Variants in SLC36A1 observed in about 807,000 individuals in gnomAD.
SLC36A1 encodes proton-coupled amino acid transporter 1.
Under a neutral mutation model 47.5 loss-of-function variants are expected in SLC36A1, and 30 were observed. That is an observed-to-expected ratio of 0.63 (90% CI 0.47 to 0.86). The LOEUF (loss-of-function observed/expected upper bound fraction) is 0.86. Among genes scored for constraint, SLC36A1 ranks in the 40% least tolerant of loss-of-function variants. The pLI, the probability that SLC36A1 is intolerant of heterozygous loss-of-function variation, is 0.00. For synonymous variants in SLC36A1, 255 were observed against 249.7 expected (o/e 1.02, Z -0.20); for missense variants, 517 against 606.0 (o/e 0.85, Z 1.54).
At chr5:151,537,935 A>C in the SLC36A1 span, 1 of 1,613,954 alleles carries the variant, frequency 6.2e-7, no homozygotes, top group Non-Finnish European at 8.5e-7. Context: ...GAACCTTGCC[A>C]GTATAGAGAA....
the SLC36A1 span, among the ~76,000 whole-genome samples, chr5:151,360,210 A>G: frequency 6.6e-6 from 1 of 152,148 alleles, no homozygotes; most frequent in Admixed American, 6.5e-5. Flanking sequence ...AGAGTTGAAA[A>G]TCCATGTATA....
the SLC36A1 span, chr5:151,542,735 C>G: frequency 6.2e-7 from 1 of 1,614,240 alleles, no homozygotes; most frequent in Non-Finnish European, 8.5e-7. Context: ...GGATCAGCCT[C>G]AAATACAGGC....
chr5:151,451,648 A>T (rs1242111724), intron 1 of SLC36A1, among the ~76,000 whole-genome samples: 5 of 152,062 alleles, frequency 3.3e-5, no homozygotes. Flanking sequence ...ACATTTATTT[A>T]TTTTTTCCTC....
intron 8 of SLC36A1, among the ~76,000 whole-genome samples, chr5:151,475,075 T>A (rs1757862525): frequency 6.6e-6 from 1 of 152,210 alleles, no homozygotes. Flanking sequence ...CCCTGTGCTC[T>A]ATCTTAGGGC....
rs2127488573 is a variant in SLC36A1, at chr5:151,465,089, T to C, written c.339T>C (p.Phe113=). The change falls in exon 5 of 11, where the codon TTT becomes TTC. Residue 113 remains phenylalanine (F), a synonymous_variant. Transcript: ENST00000243389. ...ACTCTTCCAGGCTGAATAAATCCTT[T>C]GTGGATTATGGTGATACTGTGATGT... ...HHFCRRLNKS[F]VDYGDTVMYG... 2 of 1,613,890 alleles carry C rather than the reference T, an allele frequency of 1.2e-6. No homozygotes were observed. The highest frequency in any genetic ancestry group is 4.5e-5 in the East Asian group (2 of 44,888).
At chr5:151,450,566 A>G (rs1393284493) in intron 1 of SLC36A1, among the ~76,000 whole-genome samples, 2 of 152,188 alleles carry the variant, frequency 1.3e-5, no homozygotes, top group African/African-American at 4.8e-5. Flanking sequence ...TGTGGGATGG[A>G]TGGAGCAGAT....
the SLC36A1 span, chr5:151,381,187 C>T: frequency 3.3e-5 from 14 of 422,964 alleles, no homozygotes. Context: ...CTGTGAGGGA[C>T]CTGCTAGCCC....
upstream of SLC36A1, among the ~76,000 whole-genome samples, chr5:151,442,636 T>C (rs1212664421): frequency 6.6e-6 from 1 of 152,208 alleles, no homozygotes; most frequent in Admixed American, 6.5e-5. Context: ...CTCCCTATCC[T>C]TTCCTTCCAC....
In SLC36A1 at chr5:151,438,624, C is replaced by CTCTG. The variant is rs1329619349; in HGVS notation, c.-6+1446_-6+1449dup. ...AGTGTACTTGGGTCTCATACATGTGCTCTGACACTCCTGTCATTGTGATCC... is the reference window on the plus strand; with the variant it reads ...AGTGTACTTGGGTCTCATACATGTGCTCTGTCTGACACTCCTGTCATTGTGATCC... On this transcript the variant is annotated intron_variant, in intron 1 of 8. Transcript: ENST00000429484. Among the ~76,000 whole-genome samples the CTCTG allele has an allele frequency of 4.6e-5, 7 of 152,340 alleles. No homozygotes were observed. In the South Asian group the frequency reaches 1.2e-3, roughly 27 times the overall value.
At chr5:151,468,726 GT>G (rs1304175158) in intron 7 of SLC36A1, among the ~76,000 whole-genome samples, 1 of 151,890 alleles carries the variant, frequency 6.6e-6, no homozygotes, top group Non-Finnish European at 1.5e-5. Context: ...GGGGGCACTG[GT>G]TTAGACTTTT....
chr5:151,504,657 C>T, the SLC36A1 span: 1 of 152,650 alleles, frequency 6.6e-6, no homozygotes, highest in Admixed American at 6.5e-5. Context: ...GGAAACTCAT[C>T]CAGACAGCAA....
chr5:151,505,849 G>T, the SLC36A1 span: 16 of 1,610,896 alleles, frequency 9.9e-6, no homozygotes, highest in African/African-American at 2.0e-4. Flanking sequence ...GGACTAGGGG[G>T]CCGAGAGGGC....
At chr5:151,465,419 C>G (rs1323996895) in intron 5 of SLC36A1, among the ~76,000 whole-genome samples, 1 of 152,196 alleles carries the variant, frequency 6.6e-6, no homozygotes, top group Non-Finnish European at 1.5e-5. Flanking sequence ...AGAGCCATTC[C>G]AGCTTTGGCG....
intron 6 of SLC36A1, 22 bp downstream of exon 6, chr5:151,467,305 A>AAG: frequency 1.2e-6 from 1 of 822,312 alleles, no homozygotes; most frequent in Non-Finnish European, 1.7e-6. Context: ...GTTAAAAAAG[A>AAG]AAAAAAAAAA....
chr5:151,443,207 C>T (rs945410438), upstream of SLC36A1, among the ~76,000 whole-genome samples: 1 of 151,934 alleles, frequency 6.6e-6, no homozygotes, highest in African/African-American at 2.4e-5. Context: ...TCTTTAGAAA[C>T]CTTTATACTG....
the SLC36A1 span, among the ~76,000 whole-genome samples, chr5:151,380,155 C>T: frequency 6.6e-6 from 1 of 152,006 alleles, no homozygotes; most frequent in Non-Finnish European, 1.5e-5. Flanking sequence ...ACACAGATTA[C>T]CAATATCAGA....
chr5:151,423,487 G>C, the SLC36A1 span, among the ~76,000 whole-genome samples: 4,949 of 152,236 alleles, frequency 0.033, 247 homozygotes, highest in African/African-American at 0.11. Flanking sequence ...GTCATAAAAA[G>C]ACATGGAGGA....
At chr5:151,437,033 G>A (rs1759808197), upstream of SLC36A1, 1 of 152,264 alleles carries the variant, frequency 6.6e-6, no homozygotes. Context: ...ATGGGGCTTT[G>A]GGGGTTTGCT....
chr5:151,453,597 T>G (rs1753999549), intron 1 of SLC36A1, among the ~76,000 whole-genome samples: 2 of 152,164 alleles, frequency 1.3e-5, no homozygotes, highest in Non-Finnish European at 2.9e-5. Flanking sequence ...CCTGAAACTT[T>G]AGAAGTGAAA....
Sources: gnomAD v4.1 joint callset for allele counts (sites outside exome capture counted in the v4.1 genomes callset) on GRCh38, gnomAD v4.1.1 for gene constraint, MANE v1.5 for transcripts, NCBI Gene and HGNC (gene_info 2026-07-23, HGNC 2026-07-21) for gene names.